The following ZFHX3 variants were observed in gnomAD, a reference collection of about 807,000 sequenced individuals.
ZFHX3 encodes zinc finger homeobox protein 3.
Under a neutral mutation model 279.1 loss-of-function variants are expected in ZFHX3, and 42 were observed. That is an observed-to-expected ratio of 0.15 (90% CI 0.12 to 0.19). ZFHX3 has a LOEUF of 0.19. Ranked by LOEUF, ZFHX3 falls within the 10% of genes least tolerant of loss-of-function variation. ZFHX3 has a pLI of 1.00. For missense variants in ZFHX3, 4,981 were observed against 4,754.0 expected, an observed-to-expected ratio of 1.05 and a Z score of -1.40; for synonymous variants, 2,293 against 1,957.8, an observed-to-expected ratio of 1.17 and a Z score of -4.52.
chr16:73,714,411 C>A (rs901989717), intron 1 of ZFHX3, among the ~76,000 whole-genome samples: 5 of 152,146 alleles, frequency 3.3e-5, no homozygotes, highest in African/African-American at 1.2e-4. Flanking sequence ...TTTGCCTCAA[C>A]TTCAGATGCT....
At chr16:73,501,670 A>T (rs995319860) in intron 2 of ZFHX3, among the ~76,000 whole-genome samples, 1 of 152,234 alleles carries the variant, frequency 6.6e-6, no homozygotes, top group Non-Finnish European at 1.5e-5. Flanking sequence ...ATTTATTGAG[A>T]ACATCTTAGA....
chr16:73,546,542 C>G (rs2143761420), intron 2 of ZFHX3, among the ~76,000 whole-genome samples: 1 of 152,112 alleles, frequency 6.6e-6, no homozygotes, highest in Admixed American at 6.6e-5. Flanking sequence ...AGATGGGGAG[C>G]ATTTTTGCTA....
At chr16:72,839,512 C>T (rs778059175) in intron 4 of ZFHX3, among the ~76,000 whole-genome samples, 1 of 151,968 alleles carries the variant, frequency 6.6e-6, no homozygotes, top group Non-Finnish European at 1.5e-5. Flanking sequence ...TCCCCCATCT[C>T]GTTAAAAACA....
chr16:72,914,103 C>T lies in ZFHX3; in HGVS notation c.3217-24141G>A, dbSNP rs187982274. 1.2e-4 allele frequency among the ~76,000 whole-genome samples: 19 copies of T among 152,314 alleles called. No individual in the cohort carries two copies. In the East Asian group the frequency reaches 3.5e-3, roughly 28 times the overall value. ...AGGCCCCCTGGCTCTAGAGATCATG[C>T]TGTCTAGAGACCTCTCTGCTATCCT... On this transcript the variant is annotated intron_variant, in intron 3 of 9. Transcript: ENST00000268489.
intron 1 of ZFHX3, among the ~76,000 whole-genome samples, chr16:73,864,847 G>A (rs1335578630): frequency 1.3e-5 from 2 of 152,192 alleles, no homozygotes; most frequent in Non-Finnish European, 2.9e-5. Context: ...ACTGGAAATG[G>A]CCACATACTC....
chr16:73,891,738 T>TTCTCTCTCTCTCTCTCTCTCTCTCTCTC (rs3082344), exon 1 of ZFHX3: 5 of 141,862 alleles, frequency 3.5e-5, no homozygotes, highest in South Asian at 2.4e-4. Context: ...GGGTTTTTAG[T>TTCTCTCTCTCTCTCTCTCTCTCTCTCTC]TCTCTCTCTC....
At chr16:72,954,295 G>C (rs749679548) in intron 2 of ZFHX3, among the ~76,000 whole-genome samples, 1 of 152,168 alleles carries the variant, frequency 6.6e-6, no homozygotes, top group African/African-American at 2.4e-5. Context: ...GCTTGAACCC[G>C]GGAGGCAGGG....
rs2035401354 is a variant in ZFHX3, at chr16:72,786,895, ATAG to A, written c.*266_*268del. 3 of 211,452 alleles carry A rather than the reference ATAG, an allele frequency of 1.4e-5. No homozygotes were observed. Among genetic ancestry groups the A allele is most frequent in the Admixed American group, 1.2e-4 (2 of 16,648 alleles). 13.1% of individuals were successfully genotyped at this position (211,452 alleles called of 1,614,324 possible). A position where few individuals can be genotyped will look rare whatever the true frequency, so the allele number is the denominator to read the frequency against. ...CTGCGGACTTCTGTTTCCCAGACCAATAGTACCTTCAAAAGGACACAATGTAAC... is the reference window on the plus strand; with the variant it reads ...CTGCGGACTTCTGTTTCCCAGACCAATACCTTCAAAAGGACACAATGTAAC... On this transcript the variant is annotated 3_prime_UTR_variant, in exon 10 of 10. Coordinates refer to ENST00000268489, the MANE Select transcript of ZFHX3 (RefSeq NM_006885.4).
At chr16:73,462,896 G>A (rs529768681) in intron 2 of ZFHX3, among the ~76,000 whole-genome samples, 5 of 152,232 alleles carry the variant, frequency 3.3e-5, no homozygotes, top group African/African-American at 1.2e-4. Context: ...ATTTTAGTCT[G>A]GGTTTGGCAT....
chr16:73,210,277 T>C (rs1475283601), intron 5 of ZFHX3, among the ~76,000 whole-genome samples: 2 of 152,198 alleles, frequency 1.3e-5, no homozygotes, highest in Admixed American at 6.6e-5. Flanking sequence ...GCTCTAACAC[T>C]GAGTCAGCAA....
At chr16:72,993,211 A>G (rs768163770) in intron 1 of ZFHX3, among the ~76,000 whole-genome samples, 10 of 152,202 alleles carry the variant, frequency 6.6e-5, no homozygotes, top group Admixed American at 1.3e-4. Context: ...CTGGCTGGCC[A>G]GCCTGGCTGC....
chr16:73,833,988 C>T (rs944852170), intron 1 of ZFHX3, among the ~76,000 whole-genome samples: 3 of 151,892 alleles, frequency 2.0e-5, no homozygotes, highest in African/African-American at 7.3e-5. Context: ...AATTAAGACT[C>T]AGAAAAATTA....
At chr16:72,994,547 C>T (rs940213205) in intron 1 of ZFHX3, among the ~76,000 whole-genome samples, 1 of 152,210 alleles carries the variant, frequency 6.6e-6, no homozygotes, top group Non-Finnish European at 1.5e-5. Context: ...GGGGGCCTGG[C>T]TATGGCAGCC....
At chr16:73,040,895 G>A (rs1310121446) in intron 1 of ZFHX3, among the ~76,000 whole-genome samples, 1 of 152,192 alleles carries the variant, frequency 6.6e-6, no homozygotes, top group Non-Finnish European at 1.5e-5. Context: ...CGAAAGAAGT[G>A]AGGCCCAAAG....
At chr16:73,358,206 A>G (rs969740958) in intron 3 of ZFHX3, among the ~76,000 whole-genome samples, 1 of 152,232 alleles carries the variant, frequency 6.6e-6, no homozygotes, top group African/African-American at 2.4e-5. Flanking sequence ...ACTCCCTGGC[A>G]TCTGCACTCT....
At chr16:73,306,004 T>C (rs909984055) in intron 4 of ZFHX3, among the ~76,000 whole-genome samples, 37 of 152,228 alleles carry the variant, frequency 2.4e-4, no homozygotes, top group Admixed American at 1.4e-3. Flanking sequence ...AAATGCGGAT[T>C]CTGGCTCAGT....
chr16:73,408,055 G>C (rs951910437), intron 3 of ZFHX3, among the ~76,000 whole-genome samples: 4 of 151,336 alleles, frequency 2.6e-5, no homozygotes, highest in Non-Finnish European at 5.9e-5. Flanking sequence ...AGCTGCAGGA[G>C]TGGATGGGGG....
At chr16:73,797,384 C>G (rs1960025288) in intron 1 of ZFHX3, among the ~76,000 whole-genome samples, 1 of 152,176 alleles carries the variant, frequency 6.6e-6, no homozygotes, top group Admixed American at 6.5e-5. Flanking sequence ...AGGGCCAGAG[C>G]CCTCATGAAC....
At chr16:73,101,071 C>T (rs1966225308) in intron 7 of ZFHX3, among the ~76,000 whole-genome samples, 1 of 152,178 alleles carries the variant, frequency 6.6e-6, no homozygotes, top group African/African-American at 2.4e-5. Flanking sequence ...TCTAAATCCA[C>T]CTGTTCCAAA....
Sources: gnomAD v4.1 joint callset for allele counts (sites outside exome capture counted in the v4.1 genomes callset) on GRCh38, gnomAD v4.1.1 for gene constraint, MANE v1.5 for transcripts, NCBI Gene and HGNC (gene_info 2026-07-23, HGNC 2026-07-21) for gene names.